Variants in TIGAR observed in about 807,000 individuals in gnomAD.
TIGAR encodes fructose-2,6-bisphosphatase TIGAR.
A neutral mutation model predicts 17.9 loss-of-function variants in TIGAR; 7 were observed. The ratio of observed to expected loss-of-function variants is 0.39; its 90% CI spans 0.22 to 0.73. TIGAR has a LOEUF of 0.73. TIGAR is among the 30% of genes least tolerant of loss of function. TIGAR has a pLI of 0.42. For synonymous variants in TIGAR, 94 were observed against 108.6 expected, an observed-to-expected ratio of 0.87 and a Z score of 0.84; for missense variants, 258 against 327.4, an observed-to-expected ratio of 0.79 and a Z score of 1.64.
chr12:4,359,787 A>T lies in TIGAR; in HGVS notation c.*7096A>T, dbSNP rs1864954856. 6.6e-6 allele frequency among the ~76,000 whole-genome samples: 1 copy of T among 152,142 alleles called. No homozygotes were observed. Among genetic ancestry groups the T allele is most frequent in the African/African-American group, 2.4e-5 (1 of 41,428 alleles). On this transcript the variant is annotated 3_prime_UTR_variant, in exon 6 of 6. Transcript: ENST00000179259. ...TTTAGTTTTATAAGACACTTGCCAG[A>T]TCTTTTTCCATGGTGGTTGTACCAT...
intron 3 of TIGAR, among the ~76,000 whole-genome samples, chr12:4,342,653 G>A (rs1447804671): frequency 4.6e-5 from 7 of 152,108 alleles, no homozygotes. Flanking sequence ...ATAAGTGAAG[G>A]AGAAATAAAA....
At chr12:4,324,877 G>T in intron 1 of TIGAR, 2 of 447,578 alleles carry the variant, frequency 4.5e-6, no homozygotes, top group South Asian at 4.2e-5. Context: ...AAAATTTTTT[G>T]GCAAACTAAA....
Position 4,353,852 on chromosome 12 carries a change from G to T in TIGAR, c.*1161G>T, listed in dbSNP as rs1004420850. 6 of 152,480 alleles carry T rather than the reference G, an allele frequency of 3.9e-5. No homozygotes were observed. Among genetic ancestry groups the T allele is most frequent in the African/African-American group, 1.2e-4 (5 of 41,364 alleles). The allele number at this position is 152,480 out of a possible 1,614,324, so 9.4% of individuals were successfully genotyped here. Reference sequence around the variant, plus strand: ...CAGAGGGTGCTCTGCGGGCAGGGAAGGCGGGGTGGTTGGGGGGGAGAGAAT... The same window carrying T: ...CAGAGGGTGCTCTGCGGGCAGGGAATGCGGGGTGGTTGGGGGGGAGAGAAT... On this transcript the variant is annotated 3_prime_UTR_variant, in exon 6 of 6. Coordinates refer to ENST00000179259, the MANE Select transcript of TIGAR (RefSeq NM_020375.3).
chr12:4,343,781 A>G (rs1864750249), intron 3 of TIGAR, among the ~76,000 whole-genome samples: 1 of 152,254 alleles, frequency 6.6e-6, no homozygotes. Flanking sequence ...AAAGCAGGAA[A>G]GATCTAAAGT....
At chr12:4,337,760 A>G (rs1045857310) in intron 3 of TIGAR, among the ~76,000 whole-genome samples, 1 of 152,254 alleles carries the variant, frequency 6.6e-6, no homozygotes, top group Admixed American at 6.5e-5. Context: ...ATTACCAGAT[A>G]GAGTAAGAAA....
chr12:4,350,933 A>G (rs1170803074), intron 4 of TIGAR, among the ~76,000 whole-genome samples: 2 of 152,142 alleles, frequency 1.3e-5, no homozygotes, highest in Non-Finnish European at 2.9e-5. Flanking sequence ...AGATGGCTGA[A>G]TTGGTACCTT....
chr12:4,322,121 C>G (rs996854802), intron 1 of TIGAR, among the ~76,000 whole-genome samples: 2 of 152,132 alleles, frequency 1.3e-5, no homozygotes, highest in Non-Finnish European at 2.9e-5. Flanking sequence ...TTCAGCCTCC[C>G]GAGTAGCTGG....
At chr12:4,324,679 T>TG (rs779908179) in intron 1 of TIGAR, 16 of 1,039,374 alleles carry the variant, frequency 1.5e-5, no homozygotes, top group Non-Finnish European at 2.3e-5. Flanking sequence ...CGGGTTCACT[T>TG]GCGGCCGCTG....
chr12:4,324,665 G>A (rs922084525), intron 1 of TIGAR: 1 of 1,190,660 alleles, frequency 8.4e-7, no homozygotes. Context: ...TTCCGCCGCA[G>A]GCCCGGGTTC....
At chr12:4,329,485 C>T (rs1864582098) in intron 1 of TIGAR, among the ~76,000 whole-genome samples, 1 of 151,780 alleles carries the variant, frequency 6.6e-6, no homozygotes, top group Admixed American at 6.6e-5. Context: ...ATTACAGACG[C>T]CCGCCACCAC....
chr12:4,354,173 CAT>C lies in TIGAR; in HGVS notation c.*1485_*1486del, dbSNP rs1342961916. On this transcript the variant is annotated 3_prime_UTR_variant, in exon 6 of 6. Transcript: ENST00000179259. ...AATTTACTTTGACATCATTTTAAATCATATGTAAAATTCAGTATTATATTGTT... is the reference window on the plus strand; with the variant it reads ...AATTTACTTTGACATCATTTTAAATCATGTAAAATTCAGTATTATATTGTT... 1.3e-5 allele frequency: 2 copies of C among 152,226 alleles called. No homozygotes were observed. Among genetic ancestry groups the C allele is most frequent in the East Asian group, 1.9e-4 (1 of 5,188 alleles). The allele number at this position is 152,226 out of a possible 1,614,324, so 9.4% of individuals were successfully genotyped here.
At chr12:4,351,220 A>G in intron 4 of TIGAR, 47 bp from the exon 5 acceptor site, 13 of 1,547,646 alleles carry the variant, frequency 8.4e-6, no homozygotes, top group Non-Finnish European at 1.2e-5. Flanking sequence ...CTTAATTGTT[A>G]TATTGCAATT....
chr12:4,341,822 A>G (rs1565448793), intron 3 of TIGAR, among the ~76,000 whole-genome samples: 1 of 152,206 alleles, frequency 6.6e-6, no homozygotes, highest in Non-Finnish European at 1.5e-5. Context: ...AATTCTAAAA[A>G]TCAGAGCGCC....
At position 4,358,103 on chromosome 12, in the gene TIGAR, C is replaced by CT. The variant is rs34330042; in HGVS notation, c.*5412_*5413insT. ...TGGGTGACAGAGCAAGACTGGGTCT[C>CT]AAAAAAAAAAAAAAAAAATCATTTG... is the stretch of plus-strand genomic sequence containing the variant. On this transcript the variant is annotated 3_prime_UTR_variant, in exon 6 of 6. Coordinates refer to ENST00000179259, the MANE Select transcript of TIGAR (RefSeq NM_020375.3). Among the ~76,000 whole-genome samples, 1 of 123,250 alleles carries CT rather than the reference C, an allele frequency of 8.1e-6. No homozygotes were observed. Among genetic ancestry groups the CT allele is most frequent in the African/African-American group, 3.1e-5 (1 of 31,860 alleles). The allele number at this position is 123,250 out of a possible 152,430, so 80.9% of individuals were successfully genotyped here.
At chr12:4,341,284 C>T (rs986045011) in intron 3 of TIGAR, among the ~76,000 whole-genome samples, 7 of 151,952 alleles carry the variant, frequency 4.6e-5, no homozygotes, top group Middle Eastern at 3.4e-3. Context: ...AGAGGGGGGG[C>T]GGTTCCAAGA....
intron 2 of TIGAR, among the ~76,000 whole-genome samples, chr12:4,332,174 G>C (rs1053871615): frequency 1.3e-5 from 2 of 149,916 alleles, no homozygotes; most frequent in African/African-American, 4.9e-5. Context: ...GACCTTGTCA[G>C]TTGGATGCTT....
chr12:4,353,186 C>T lies in TIGAR; in HGVS notation c.*495C>T, dbSNP rs2120696919. ...TTTATGTAAAGCAAAATAACACTAA[C>T]ATGTTTTACGTATAAATCAACTATT... On this transcript the variant is annotated 3_prime_UTR_variant, in exon 6 of 6. Transcript: ENST00000179259. The T allele has an allele frequency of 6.5e-6, 1 of 153,422 alleles. No homozygotes were observed. Among genetic ancestry groups the T allele is most frequent in the East Asian group, 1.9e-4 (1 of 5,206 alleles). 9.5% of individuals were successfully genotyped at this position (153,422 alleles called of 1,614,324 possible). A position where few individuals can be genotyped will look rare whatever the true frequency, so the allele number is the denominator to read the frequency against.
intron 3 of TIGAR, among the ~76,000 whole-genome samples, chr12:4,339,272 A>G (rs1230160064): frequency 6.6e-6 from 1 of 152,202 alleles, no homozygotes; most frequent in African/African-American, 2.4e-5. Context: ...ACTATCAGCA[A>G]CTATATGCCA....
At chr12:4,334,731 A>G (rs1460921285) in intron 2 of TIGAR, among the ~76,000 whole-genome samples, 2 of 152,146 alleles carry the variant, frequency 1.3e-5, no homozygotes, top group Non-Finnish European at 2.9e-5. Flanking sequence ...GGTGGTAAAC[A>G]TAGTGGCTTC....
Sources: allele counts gnomAD v4.1 joint callset (sites outside exome capture counted in the v4.1 genomes callset), GRCh38; gene constraint gnomAD v4.1.1; transcripts MANE v1.5; gene names NCBI Gene and HGNC (gene_info 2026-07-23, HGNC 2026-07-21).